NRXN1: variants seen among roughly 807,000 people sequenced by gnomAD.
The protein encoded by NRXN1 is neurexin-1.
A neutral mutation model predicts 150.9 loss-of-function variants in NRXN1; 39 were observed. That is an observed-to-expected ratio of 0.26 (90% CI 0.20 to 0.34). The LOEUF is 0.34. Among genes scored for constraint, NRXN1 ranks in the 10% least tolerant of loss-of-function variants. The pLI, the probability that NRXN1 is intolerant of heterozygous loss-of-function variation, is 1.00. For synonymous variants in NRXN1, 924 were observed against 757.0 expected (o/e 1.22, Z -3.62); for missense variants, 1,815 against 1,949.9 (o/e 0.93, Z 1.30).
At chr2:50,776,676 A>G (rs1703689989) in intron 5 of NRXN1, among the ~76,000 whole-genome samples, 1 of 151,648 alleles carries the variant, frequency 6.6e-6, no homozygotes, top group Non-Finnish European at 1.5e-5. Flanking sequence ...ACACACACAC[A>G]CATACATACT....
In NRXN1 at chr2:50,552,696, G is replaced by C; in HGVS notation, c.1650C>G (p.Leu550=). Residue 550 remains leucine (L), a synonymous_variant, in exon 9 of 23, where the codon CTC becomes CTG. Coordinates refer to ENST00000401669, the MANE Select transcript of NRXN1 (RefSeq NM_001330078.2). ...CTGACCCCATGTCCAGGAGGAGGTA[G>C]AGGTGGCCATCTAGCATCTCAATAG... ...FFAIEMLDGH[L]YLLLDMGSGT... is the part of the protein sequence containing the mutation. 1 of 1,613,932 alleles carries C rather than the reference G, an allele frequency of 6.2e-7. No individual in the cohort carries two copies. The highest frequency in any genetic ancestry group is 8.5e-7 in the Non-Finnish European group (1 of 1,179,824).
At chr2:50,744,587 A>G (rs1699797615) in intron 5 of NRXN1, among the ~76,000 whole-genome samples, 1 of 152,114 alleles carries the variant, frequency 6.6e-6, no homozygotes, top group Non-Finnish European at 1.5e-5. Context: ...CATTTATTCT[A>G]TTGACCTTCG....
At chr2:50,273,623 C>T (rs1440442677) in intron 17 of NRXN1, among the ~76,000 whole-genome samples, 1 of 151,878 alleles carries the variant, frequency 6.6e-6, no homozygotes, top group Non-Finnish European at 1.5e-5. Flanking sequence ...AATTGAAAAC[C>T]TGACATAGGA....
intron 5 of NRXN1, among the ~76,000 whole-genome samples, chr2:50,672,355 G>C (rs1688978001): frequency 6.6e-6 from 1 of 151,776 alleles, no homozygotes. Flanking sequence ...AATTGCTAAA[G>C]TTAGTCTAAA....
chr2:50,352,143 A>G (rs1558581093), intron 17 of NRXN1, among the ~76,000 whole-genome samples: 1 of 152,164 alleles, frequency 6.6e-6, no homozygotes, highest in Non-Finnish European at 1.5e-5. Flanking sequence ...CATGAACAAG[A>G]ATACAGGGAG....
chr2:50,514,754 G>A (rs1188871874), intron 12 of NRXN1, among the ~76,000 whole-genome samples: 1 of 152,168 alleles, frequency 6.6e-6, no homozygotes, highest in East Asian at 1.9e-4. Flanking sequence ...GACCCTGTAA[G>A]ATAAACACGT....
chr2:49,927,153 A>T (rs1195688868), intron 22 of NRXN1, among the ~76,000 whole-genome samples: 1 of 152,232 alleles, frequency 6.6e-6, no homozygotes. Flanking sequence ...CAAGTTCTGA[A>T]TTTCAAAACA....
At chr2:50,555,817 C>T (rs1668156168) in intron 8 of NRXN1, among the ~76,000 whole-genome samples, 2 of 152,146 alleles carry the variant, frequency 1.3e-5, no homozygotes, top group African/African-American at 4.8e-5. Flanking sequence ...AACTTATGTG[C>T]ATATCCAGTT....
At chr2:50,135,417 T>A (rs1028814738) in intron 18 of NRXN1, among the ~76,000 whole-genome samples, 1 of 152,144 alleles carries the variant, frequency 6.6e-6, no homozygotes. Context: ...AGCTGCCCAA[T>A]CGCGGTGGCT....
chr2:50,449,147 A>T (rs1369132744), intron 17 of NRXN1, among the ~76,000 whole-genome samples: 1 of 152,214 alleles, frequency 6.6e-6, no homozygotes, highest in Non-Finnish European at 1.5e-5. Context: ...TATTATTTCT[A>T]ATGCATAGAC....
At chr2:50,819,385 T>C (rs559750987) in intron 5 of NRXN1, among the ~76,000 whole-genome samples, 1 of 152,140 alleles carries the variant, frequency 6.6e-6, no homozygotes, top group Non-Finnish European at 1.5e-5. Context: ...TGCTACAACA[T>C]AAACCTTGAG....
chr2:51,023,386 G>C (rs765901532), intron 2 of NRXN1, among the ~76,000 whole-genome samples: 2 of 152,192 alleles, frequency 1.3e-5, no homozygotes, highest in Non-Finnish European at 2.9e-5. Context: ...GGGAGTTAGA[G>C]CTCCATGCTT....
intron 5 of NRXN1, among the ~76,000 whole-genome samples, chr2:50,773,584 A>G (rs765012714): frequency 6.6e-6 from 1 of 152,152 alleles, no homozygotes; most frequent in Non-Finnish European, 1.5e-5. Flanking sequence ...GCACTAGCTA[A>G]GTTCAGTGAA....
intron 17 of NRXN1, among the ~76,000 whole-genome samples, chr2:50,458,665 C>T (rs1399871822): frequency 6.6e-6 from 1 of 151,892 alleles, no homozygotes; most frequent in Non-Finnish European, 1.5e-5. Context: ...CTGCAACCTC[C>T]TCCTCTCGGG....
At chr2:50,793,517 A>C (rs1441924420) in intron 5 of NRXN1, among the ~76,000 whole-genome samples, 2 of 152,106 alleles carry the variant, frequency 1.3e-5, no homozygotes, top group Non-Finnish European at 2.9e-5. Context: ...ACAATTCTGC[A>C]AGCCTTTATA....
At chr2:50,882,664 T>C (rs1000558442) in intron 5 of NRXN1, among the ~76,000 whole-genome samples, 2 of 151,948 alleles carry the variant, frequency 1.3e-5, no homozygotes, top group East Asian at 3.9e-4. Flanking sequence ...TCACCATCAG[T>C]AGTGTTCTCA....
chr2:50,901,082 G>A (rs144700061), intron 5 of NRXN1, among the ~76,000 whole-genome samples: 45 of 152,078 alleles, frequency 3.0e-4, no homozygotes, highest in African/African-American at 1.0e-3. Context: ...CTATTTATCT[G>A]GCTTTTGTTG....
intron 8 of NRXN1, chr2:50,619,026 T>G (rs573403539): frequency 6.6e-6 from 1 of 152,072 alleles, no homozygotes; most frequent in African/African-American, 2.4e-5. Flanking sequence ...AATCAACCAG[T>G]ATGTTCACAT....
intron 8 of NRXN1, among the ~76,000 whole-genome samples, chr2:50,564,005 C>T (rs918676007): frequency 6.6e-6 from 1 of 152,128 alleles, no homozygotes; most frequent in Non-Finnish European, 1.5e-5. Context: ...AGACTTGTTC[C>T]TGAGAAGTTG....
Sources: gnomAD v4.1 joint callset for allele counts (sites outside exome capture counted in the v4.1 genomes callset) on GRCh38, gnomAD v4.1.1 for gene constraint, MANE v1.5 for transcripts, NCBI Gene and HGNC (gene_info 2026-07-23, HGNC 2026-07-21) for gene names.